PCDHA3: variants seen among roughly 807,000 people sequenced by gnomAD.
PCDHA3 encodes protocadherin alpha-3.
In PCDHA3, 41 loss-of-function variants were observed where a neutral mutation model predicts 62.2. That is an observed-to-expected ratio of 0.66 (90% CI 0.51 to 0.86). The LOEUF (loss-of-function observed/expected upper bound fraction) is 0.86. Among genes scored for constraint, PCDHA3 ranks in the 40% least tolerant of loss-of-function variants. PCDHA3 has a pLI of 0.00. For missense variants in PCDHA3, 1,304 were observed against 1,241.2 expected (o/e 1.05, Z -0.76); for synonymous variants, 640 against 555.4 (o/e 1.15, Z -2.14).
At chr5:140,949,944 T>TTTAGTGG (rs2094435490) in intron 1 of PCDHA3, among the ~76,000 whole-genome samples, 1 of 151,908 alleles carries the variant, frequency 6.6e-6, no homozygotes, top group South Asian at 2.1e-4. Context: ...ATTTGCATTT[T>TTTAGTGG]TTAGTGGTTG....
At chr5:140,883,507 G>A (rs782325165) in intron 1 of PCDHA3, 2 of 1,614,200 alleles carry the variant, frequency 1.2e-6, no homozygotes, top group Admixed American at 1.7e-5. Context: ...ACAGCGCCCT[G>A]GACCGCGAGA....
chr5:140,856,314 T>C (rs2043919733), intron 1 of PCDHA3: 1 of 1,598,440 alleles, frequency 6.3e-7, no homozygotes, highest in African/African-American at 1.3e-5. Context: ...AATTCTCGGA[T>C]TGACCGCGAG....
chr5:140,815,543 ATAGT>A (rs1234366638), intron 1 of PCDHA3: 1 of 124,338 alleles, frequency 8.0e-6, no homozygotes, highest in East Asian at 2.3e-4. Flanking sequence ...ACATTATTTT[ATAGT>A]TAGTTTTTCT....
At chr5:140,993,225 T>C (rs1036685362) in intron 3 of PCDHA3, among the ~76,000 whole-genome samples, 2 of 152,206 alleles carry the variant, frequency 1.3e-5, no homozygotes, top group Admixed American at 6.5e-5. Context: ...TTTTGGTATG[T>C]TCTCTCTGAA....
intron 1 of PCDHA3, chr5:140,870,343 C>T (rs375366430): frequency 1.9e-6 from 3 of 1,614,160 alleles, no homozygotes; most frequent in African/African-American, 2.7e-5. Flanking sequence ...CGCCCTGGAC[C>T]GCGAGAACGT....
chr5:140,945,828 A>T (rs2093847646), intron 1 of PCDHA3, among the ~76,000 whole-genome samples: 1 of 152,176 alleles, frequency 6.6e-6, no homozygotes, highest in Admixed American at 6.5e-5. Flanking sequence ...TACAAAAGTC[A>T]ACTCAAAATG....
At chr5:140,939,089 A>C (rs1048123737) in intron 1 of PCDHA3, among the ~76,000 whole-genome samples, 11 of 152,204 alleles carry the variant, frequency 7.2e-5, no homozygotes, top group Non-Finnish European at 1.2e-4. Context: ...TGGGTGGCTT[A>C]AAAACAATAG....
intron 1 of PCDHA3, chr5:140,860,142 T>C (rs1288609086): frequency 1.3e-5 from 2 of 149,904 alleles, no homozygotes; most frequent in Admixed American, 6.7e-5. Flanking sequence ...TGTATATATA[T>C]GTATATATGT....
chr5:140,816,987 C>G (rs1766040659), intron 1 of PCDHA3: 2 of 152,022 alleles, frequency 1.3e-5, no homozygotes, highest in Non-Finnish European at 2.9e-5. Context: ...AATTCAGGAA[C>G]TTTGGATGCA....
At chr5:140,883,986 C>T in intron 1 of PCDHA3, 1 of 1,612,808 alleles carries the variant, frequency 6.2e-7, no homozygotes, top group Non-Finnish European at 8.5e-7. Flanking sequence ...GCTGGCAGCG[C>T]GGGAGGCACA....
At chr5:140,890,875 T>G (rs189226344) in intron 1 of PCDHA3, among the ~76,000 whole-genome samples, 106 of 152,318 alleles carry the variant, frequency 7.0e-4, no homozygotes, top group Non-Finnish European at 1.3e-3. Flanking sequence ...CCCTCTGACC[T>G]TTCATCAGGG....
intron 1 of PCDHA3, chr5:140,864,944 T>C (rs1359231248): frequency 1.3e-5 from 2 of 152,162 alleles, no homozygotes; most frequent in Non-Finnish European, 2.9e-5. Flanking sequence ...AGGCCTGTAA[T>C]CCCAGCATTT....
intron 1 of PCDHA3, chr5:140,861,770 C>CCAAT (rs386405128): frequency 6.2e-6 from 1 of 161,486 alleles, no homozygotes; most frequent in Non-Finnish European, 1.3e-5. Flanking sequence ...CCTGGAAATA[C>CCAAT]CAAGAGCAGG....
chr5:140,903,124 T>C (rs1554190771), intron 1 of PCDHA3, among the ~76,000 whole-genome samples: 1 of 152,234 alleles, frequency 6.6e-6, no homozygotes, highest in Non-Finnish European at 1.5e-5. Context: ...TCTAAATCTT[T>C]AAGAAATCTC....
intron 1 of PCDHA3, chr5:140,969,250 C>T (rs1554231631): frequency 6.2e-7 from 1 of 1,614,216 alleles, no homozygotes; most frequent in Admixed American, 1.7e-5. Flanking sequence ...CAGTGACTGA[C>T]AGCAGGAATC....
At chr5:140,991,071 T>A (rs2097430480) in intron 3 of PCDHA3, among the ~76,000 whole-genome samples, 1 of 152,152 alleles carries the variant, frequency 6.6e-6, no homozygotes, top group African/African-American at 2.4e-5. Flanking sequence ...ATTCCCATGT[T>A]TCAGATAAAA....
In PCDHA3 at chr5:140,869,699, C is replaced by A. The variant is rs10071369; in HGVS notation, c.2394+66108C>A. On this transcript the variant is annotated intron_variant, in intron 1 of 3. Transcript: ENST00000522353. ...AGACTGTCACTTATTTTAAAGAAGTCTCTGGATAGAGAGAAAACTCCGGAA... is the reference window on the plus strand; with the variant it reads ...AGACTGTCACTTATTTTAAAGAAGTATCTGGATAGAGAGAAAACTCCGGAA... 1,310 of 1,613,374 alleles carry A rather than the reference C, an allele frequency of 8.1e-4. 10 individuals carry two copies. In the African/African-American group the frequency reaches 0.014, roughly 18 times the overall value.
At chr5:140,806,068 C>T (rs1380566226) in intron 1 of PCDHA3, among the ~76,000 whole-genome samples, 4 of 152,094 alleles carry the variant, frequency 2.6e-5, no homozygotes, top group Admixed American at 6.5e-5. Context: ...CACCCTGGTG[C>T]TGCAGTTTGT....
chr5:140,922,722 T>C (rs2153565730), intron 1 of PCDHA3, among the ~76,000 whole-genome samples: 1 of 151,972 alleles, frequency 6.6e-6, no homozygotes, highest in Non-Finnish European at 1.5e-5. Context: ...AAAGAAACAC[T>C]TGACAAGGTT....
Sources: gnomAD v4.1 joint callset for allele counts (sites outside exome capture counted in the v4.1 genomes callset) on GRCh38, gnomAD v4.1.1 for gene constraint, MANE v1.5 for transcripts, NCBI Gene and HGNC (gene_info 2026-07-23, HGNC 2026-07-21) for gene names.